SDK1: variants seen among roughly 807,000 people sequenced by gnomAD.
The protein encoded by SDK1 is protein sidekick-1.
A neutral mutation model predicts 245.5 loss-of-function variants in SDK1; 157 were observed. That is an observed-to-expected ratio of 0.64 (90% confidence interval 0.56 to 0.73). SDK1 has a LOEUF of 0.73. SDK1 is among the 30% of genes least tolerant of loss of function. The probability of loss-of-function intolerance (pLI) is 0.00; values close to 1 mark genes in which losing one functional copy is unlikely to be tolerated. For synonymous variants in SDK1, 1,647 were observed against 1,278.5 expected, an observed-to-expected ratio of 1.29 and a Z score of -6.15; for missense variants, 3,583 against 3,002.3, an observed-to-expected ratio of 1.19 and a Z score of -4.52.
chr7:4,014,474 A>G (rs926489345), intron 16 of SDK1, among the ~76,000 whole-genome samples: 14 of 152,228 alleles, frequency 9.2e-5, no homozygotes, highest in Non-Finnish European at 1.5e-5. Context: ...GAATTTGCTT[A>G]AAAACATTTC....
intron 4 of SDK1, among the ~76,000 whole-genome samples, chr7:3,684,762 GA>G (rs34922402): frequency 0.83 from 124,590 of 149,806 alleles, 51,814 homozygotes; most frequent in Non-Finnish European, 0.86. Flanking sequence ...TGAAATAAAT[GA>G]AAAAAAAAAA....
intron 2 of SDK1, among the ~76,000 whole-genome samples, chr7:3,634,880 C>T (rs1782406382): frequency 1.3e-5 from 2 of 152,064 alleles, no homozygotes; most frequent in African/African-American, 4.8e-5. Context: ...CGGAGGATTA[C>T]TATAGAAATT....
chr7:4,218,685 A>AG (rs1301310396), intron 38 of SDK1, among the ~76,000 whole-genome samples: 1 of 152,146 alleles, frequency 6.6e-6, no homozygotes, highest in Non-Finnish European at 1.5e-5. Context: ...TGACAGCAGG[A>AG]GGGCAGGGCT....
At chr7:3,755,579 A>G (rs1279348888) in intron 4 of SDK1, among the ~76,000 whole-genome samples, 2 of 152,146 alleles carry the variant, frequency 1.3e-5, no homozygotes, top group Non-Finnish European at 2.9e-5. Context: ...ACTCTTTATG[A>G]GGAACAGAGT....
At chr7:3,755,645 T>C (rs368655979) in intron 4 of SDK1, among the ~76,000 whole-genome samples, 9 of 152,236 alleles carry the variant, frequency 5.9e-5, no homozygotes, top group African/African-American at 2.2e-4. Flanking sequence ...AAGTTCTCCG[T>C]GTCGTTCATT....
intron 5 of SDK1, among the ~76,000 whole-genome samples, chr7:3,872,873 C>T (rs1454471983): frequency 6.6e-6 from 1 of 152,058 alleles, no homozygotes; most frequent in Non-Finnish European, 1.5e-5. Context: ...ATTTCTAATT[C>T]CCCTCTCCCA....
chr7:3,414,791 A>G (rs1371686862), intron 1 of SDK1, among the ~76,000 whole-genome samples: 1 of 152,144 alleles, frequency 6.6e-6, no homozygotes, highest in Non-Finnish European at 1.5e-5. Context: ...TACTTGCTGT[A>G]TTCTGGACAT....
At chr7:3,821,984 C>G (rs184133785) in intron 5 of SDK1, among the ~76,000 whole-genome samples, 1 of 152,218 alleles carries the variant, frequency 6.6e-6, no homozygotes, top group Admixed American at 6.5e-5. Flanking sequence ...TTGAGAAATT[C>G]TACCTATTAA....
intron 38 of SDK1, among the ~76,000 whole-genome samples, chr7:4,212,733 G>T (rs900623843): frequency 3.3e-5 from 5 of 152,208 alleles, no homozygotes; most frequent in African/African-American, 2.4e-5. Context: ...CCATGAGCCT[G>T]TGTTACAAAT....
intron 35 of SDK1, among the ~76,000 whole-genome samples, chr7:4,185,857 A>AAGGG (rs1234561663): frequency 2.9e-5 from 4 of 139,402 alleles, no homozygotes; most frequent in African/African-American, 5.2e-5. Flanking sequence ...GGAAGGAAAG[A>AAGGG]AGGGAGGGAG....
At chr7:3,563,787 G>A (rs963411604) in intron 1 of SDK1, among the ~76,000 whole-genome samples, 2 of 152,040 alleles carry the variant, frequency 1.3e-5, no homozygotes, top group Non-Finnish European at 2.9e-5. Flanking sequence ...AAAATAAACC[G>A]TGTATTATGC....
Position 3,708,765 on chromosome 7 carries a change from G to A in SDK1, c.713+66660G>A, listed in dbSNP as rs572984913. On this transcript the variant is annotated intron_variant, in intron 4 of 44. Transcript: ENST00000404826. ...TACAGTTTGAAACGAGATTTGGGCA[G>A]GGGCACATATCCAAACTCTATTACC... Among the ~76,000 whole-genome samples, 5 of 152,350 alleles carry A rather than the reference G, an allele frequency of 3.3e-5. No homozygotes were observed. The South Asian group carries it at 6.2e-4, about 19-fold the overall frequency.
At chr7:3,682,602 G>A (rs960217120) in intron 4 of SDK1, among the ~76,000 whole-genome samples, 28 of 9,110 alleles carry the variant, frequency 3.1e-3, no homozygotes, top group African/African-American at 0.011. Flanking sequence ...TCCTTCCTGT[G>A]TTCTTCCTTT....
rs148523154 is a variant in SDK1 at position 3,838,369 on chromosome 7, C to T, written c.847+16786C>T. Among the ~76,000 whole-genome samples, 561 of 152,320 alleles carry T rather than the reference C, an allele frequency of 3.7e-3. 5 individuals are homozygous for T. The highest frequency in any genetic ancestry group is 0.013 in the African/African-American group (544 of 41,568). ...GAAAACCCAGCATGGGGCACCCAGA[C>T]ACATCAGTGGGAATTGGAAGGTTTC... On this transcript the variant is annotated intron_variant, in intron 5 of 44. Transcript: ENST00000404826.
At chr7:3,999,719 A>G (rs757920601) in intron 14 of SDK1, among the ~76,000 whole-genome samples, 2 of 152,240 alleles carry the variant, frequency 1.3e-5, no homozygotes, top group Non-Finnish European at 2.9e-5. Context: ...GGACTGCTTT[A>G]TAAAAAACCA....
intron 1 of SDK1, among the ~76,000 whole-genome samples, chr7:3,403,866 T>TAA (rs1375846965): frequency 8.6e-6 from 1 of 115,700 alleles, no homozygotes; most frequent in East Asian, 2.4e-4. Flanking sequence ...TATATATATA[T>TAA]ATAATATATA....
chr7:3,855,417 C>T (rs1321733995), intron 5 of SDK1, among the ~76,000 whole-genome samples: 1 of 152,002 alleles, frequency 6.6e-6, no homozygotes, highest in Non-Finnish European at 1.5e-5. Flanking sequence ...ATATTGCATC[C>T]ATTAGAAATG....
intron 1 of SDK1, among the ~76,000 whole-genome samples, chr7:3,391,307 A>G (rs1026445935): frequency 6.6e-6 from 1 of 152,148 alleles, no homozygotes; most frequent in Admixed American, 6.5e-5. Context: ...CTTTACCTCC[A>G]TCCTATCAAG....
Position 4,077,113 on chromosome 7 carries a change from C to T in SDK1, c.3126C>T (p.Thr1042=). 1 of 1,614,206 alleles carries T rather than the reference C, an allele frequency of 6.2e-7. No homozygotes were observed. Among genetic ancestry groups the T allele is most frequent in the Non-Finnish European group, 8.5e-7 (1 of 1,180,032 alleles). ...IQGLSSLTTY[T]IDVAAVTAVG... ...GCCTCTCATCTCTCACCACCTACAC[C>T]ATCGACGTGGCCGCTGTGACTGCCG... Residue 1042 remains threonine, a synonymous_variant, in exon 21 of 45, where the codon ACC becomes ACT. Transcript: ENST00000404826.
Sources: gnomAD v4.1 joint callset for allele counts (sites outside exome capture counted in the v4.1 genomes callset) on GRCh38, gnomAD v4.1.1 for gene constraint, MANE v1.5 for transcripts, NCBI Gene and HGNC (gene_info 2026-07-23, HGNC 2026-07-21) for gene names.